The following ADGRL2 variants were observed in gnomAD, a reference collection of about 807,000 sequenced individuals.
The protein encoded by ADGRL2 is calcium-independent alpha-latrotoxin receptor 2.
A neutral mutation model predicts 157.4 loss-of-function variants in ADGRL2; 44 were observed. The ratio of observed to expected loss-of-function variants is 0.28; its 90% CI spans 0.22 to 0.36. The LOEUF (loss-of-function observed/expected upper bound fraction) is 0.36, where lower values mean the gene tolerates loss of function less well. Among genes scored for constraint, ADGRL2 ranks in the 10% least tolerant of loss-of-function variants. The pLI, the probability that ADGRL2 is intolerant of heterozygous loss-of-function variation, is 1.00. For missense variants in ADGRL2, 1,510 were observed against 1,768.9 expected (o/e 0.85, Z 2.63); for synonymous variants, 585 against 624.7 (o/e 0.94, Z 0.95).
intron 3 of ADGRL2, among the ~76,000 whole-genome samples, chr1:81,693,404 T>G (rs1397181812): frequency 6.6e-6 from 1 of 152,184 alleles, no homozygotes. Flanking sequence ...AAATGTCAAA[T>G]AAGAGAATGA....
rs576948470 is a variant in ADGRL2, at chr1:81,581,552, C to T, written c.-143+572C>T. ...AATATGTGTTAGATTTGATTTGATT[C>T]CTAAAGAATAACGTTTATAATTGCC... On this transcript the variant is annotated intron_variant, in intron 3 of 24. Transcript: ENST00000370721. Among the ~76,000 whole-genome samples the T allele has an allele frequency of 2.0e-5, 3 of 152,138 alleles. No individual in the cohort carries two copies. The South Asian group carries it at 6.2e-4, about 32-fold the overall frequency.
intron 1 of ADGRL2, among the ~76,000 whole-genome samples, chr1:81,821,545 A>G (rs1018772337): frequency 3.3e-5 from 5 of 152,150 alleles, no homozygotes; most frequent in African/African-American, 1.2e-4. Context: ...TTAAAATATC[A>G]TTGTGTTCTT....
intron 2 of ADGRL2, among the ~76,000 whole-genome samples, chr1:81,460,118 A>T (rs2077895428): frequency 6.6e-6 from 1 of 151,900 alleles, no homozygotes; most frequent in Admixed American, 6.6e-5. Flanking sequence ...ATCTTCATAT[A>T]CCTGTTGCCC....
At chr1:81,909,885 G>GTTT in intron 3 of ADGRL2, among the ~76,000 whole-genome samples, 1 of 152,126 alleles carries the variant, frequency 6.6e-6, no homozygotes, top group African/African-American at 2.4e-5. Flanking sequence ...GATTGTTGGA[G>GTTT]GTACTGTAGT....
rs115038528 is a variant in ADGRL2, at chr1:81,647,434, C to T, written c.-143+66454C>T. Among the ~76,000 whole-genome samples the T allele has an allele frequency of 1.6e-3, 237 of 152,278 alleles. 3 individuals are homozygous for T. The highest frequency in any genetic ancestry group is 5.3e-3 in the African/African-American group (222 of 41,548). ...CCCAACATATCCCACAAGTGGATAA[C>T]TCTACACCTGACCTCATGTGCCATG... On this transcript the variant is annotated intron_variant, in intron 3 of 24. Transcript: ENST00000370721.
chr1:81,478,093 AAAT>A (rs2078309958), intron 2 of ADGRL2, among the ~76,000 whole-genome samples: 1 of 150,220 alleles, frequency 6.7e-6, no homozygotes, highest in Admixed American at 6.6e-5. Flanking sequence ...CTTTAAAAAA[AAAT>A]ACTGCTTTCA....
intron 1 of ADGRL2, among the ~76,000 whole-genome samples, chr1:81,380,463 C>T (rs2076325282): frequency 6.6e-6 from 1 of 152,052 alleles, no homozygotes; most frequent in Non-Finnish European, 1.5e-5. Context: ...TAGCTATTTA[C>T]TTCTTTTTTG....
chr1:81,682,209 G>A (rs2083134752), intron 3 of ADGRL2, among the ~76,000 whole-genome samples: 1 of 151,820 alleles, frequency 6.6e-6, no homozygotes, highest in African/African-American at 2.4e-5. Context: ...GAGGAGATGA[G>A]GGGTCAGAAA....
chr1:81,528,457 C>T (rs2079519033), intron 2 of ADGRL2, among the ~76,000 whole-genome samples: 1 of 151,972 alleles, frequency 6.6e-6, no homozygotes, highest in African/African-American at 2.4e-5. Flanking sequence ...ACCATCCTGG[C>T]TAACACGGTG....
intron 6 of ADGRL2, among the ~76,000 whole-genome samples, chr1:81,946,433 T>C (rs957949360): frequency 2.0e-5 from 3 of 151,758 alleles, no homozygotes; most frequent in African/African-American, 7.3e-5. Context: ...GTTTTTCCTG[T>C]TTCACCTTCT....
At chr1:81,336,375 G>A (rs1019777022) in intron 1 of ADGRL2, among the ~76,000 whole-genome samples, 2 of 152,122 alleles carry the variant, frequency 1.3e-5, no homozygotes, top group African/African-American at 4.8e-5. Context: ...TCATGTTGAT[G>A]AGGAATAGTT....
intron 3 of ADGRL2, among the ~76,000 whole-genome samples, chr1:81,681,801 A>C (rs947818894): frequency 6.6e-6 from 1 of 152,150 alleles, no homozygotes; most frequent in East Asian, 1.9e-4. Flanking sequence ...GTTTTTTTAT[A>C]AAATGGATGA....
At chr1:81,909,644 A>G (rs1359031708) in intron 3 of ADGRL2, among the ~76,000 whole-genome samples, 1 of 152,146 alleles carries the variant, frequency 6.6e-6, no homozygotes, top group Non-Finnish European at 1.5e-5. Flanking sequence ...AATTTCTGCC[A>G]TCTTCAAATA....
At chr1:81,624,577 C>T (rs976963409) in intron 3 of ADGRL2, among the ~76,000 whole-genome samples, 1 of 151,400 alleles carries the variant, frequency 6.6e-6, no homozygotes, top group South Asian at 2.1e-4. Flanking sequence ...AAAAGTAATA[C>T]AGTTATCTAA....
At chr1:81,561,601 C>T (rs1210680515) in intron 2 of ADGRL2, among the ~76,000 whole-genome samples, 9 of 151,780 alleles carry the variant, frequency 5.9e-5, no homozygotes, top group Admixed American at 2.0e-4. Context: ...CTTGAGATTA[C>T]AGGCACCCGC....
intron 2 of ADGRL2, among the ~76,000 whole-genome samples, chr1:81,767,777 T>G (rs2086189860): frequency 6.9e-6 from 1 of 144,338 alleles, no homozygotes; most frequent in African/African-American, 2.6e-5. Flanking sequence ...GAGGCTGAGG[T>G]GAGAGGGACA....
intron 3 of ADGRL2, among the ~76,000 whole-genome samples, chr1:81,646,405 C>A (rs1570724960): frequency 1.3e-5 from 2 of 152,170 alleles, no homozygotes; most frequent in Non-Finnish European, 2.9e-5. Context: ...GGAATGACTT[C>A]ATGGGTGGAA....
chr1:81,414,202 G>T (rs569057203), intron 1 of ADGRL2: 38 of 152,206 alleles, frequency 2.5e-4, no homozygotes, highest in African/African-American at 8.4e-4. Flanking sequence ...TTTAACTCCT[G>T]AAGACAGTAA....
intron 2 of ADGRL2, among the ~76,000 whole-genome samples, chr1:81,771,463 C>A (rs1335773963): frequency 1.3e-5 from 2 of 152,132 alleles, no homozygotes; most frequent in Admixed American, 6.5e-5. Context: ...ATATCCTTAT[C>A]ATTAACCTTA....
Sources: allele counts gnomAD v4.1 joint callset (sites outside exome capture counted in the v4.1 genomes callset), GRCh38; gene constraint gnomAD v4.1.1; transcripts MANE v1.5; gene names NCBI Gene and HGNC (gene_info 2026-07-23, HGNC 2026-07-21).